Variants in EPHA6 observed in about 807,000 individuals in gnomAD.
EPHA6 encodes EPH receptor A6, also known as ephrin type-A receptor 6.
Under a neutral mutation model 112.0 loss-of-function variants are expected in EPHA6, and 50 were observed. The observed-to-expected ratio is 0.45, with a 90% CI of 0.36 to 0.56. The LOEUF (loss-of-function observed/expected upper bound fraction) is 0.56. Ranked by LOEUF, EPHA6 falls within the 20% of genes least tolerant of loss-of-function variation. EPHA6 has a pLI of 0.00. For synonymous variants in EPHA6, 529 were observed against 490.7 expected (o/e 1.08, Z -1.03); for missense variants, 1,280 against 1,417.4 (o/e 0.90, Z 1.56).
intron 3 of EPHA6, among the ~76,000 whole-genome samples, chr3:97,090,724 T>C (rs1193948454): frequency 6.6e-6 from 1 of 152,084 alleles, no homozygotes; most frequent in African/African-American, 2.4e-5. Context: ...ACCTCAATTT[T>C]AAACATTCTG....
In EPHA6 at chr3:97,171,461, A is replaced by G. The variant is rs2076698242; in HGVS notation, c.1115-54803A>G. 2.0e-5 allele frequency among the ~76,000 whole-genome samples: 3 copies of G among 152,116 alleles called. No individual in the cohort carries two copies. The South Asian group carries it at 6.2e-4, about 31-fold the overall frequency. On this transcript the variant is annotated intron_variant, in intron 3 of 17. Transcript: ENST00000389672. ...CCTATATTTATAGGAAGCAAGAAAT[A>G]ATGAACATAGAATTAATAGGAATGG... is the stretch of plus-strand genomic sequence containing the variant.
intron 6 of EPHA6, among the ~76,000 whole-genome samples, chr3:97,438,251 A>C (rs1010341216): frequency 6.6e-6 from 1 of 152,212 alleles, no homozygotes; most frequent in Non-Finnish European, 1.5e-5. Flanking sequence ...CTGAATAAAT[A>C]TCAAGAATAT....
chr3:97,075,394 G>T (rs1417381118), intron 3 of EPHA6, among the ~76,000 whole-genome samples: 1 of 151,928 alleles, frequency 6.6e-6, no homozygotes, highest in Non-Finnish European at 1.5e-5. Flanking sequence ...TTTTACTACT[G>T]AAATAATTTG....
intron 3 of EPHA6, among the ~76,000 whole-genome samples, chr3:97,060,141 AAAAC>A (rs1248270157): frequency 2.0e-5 from 3 of 152,102 alleles, no homozygotes; most frequent in Admixed American, 6.6e-5. Flanking sequence ...AAAACAAAAC[AAAAC>A]AAACAAAAAG....
chr3:96,875,859 T>G (rs2036912343), intron 2 of EPHA6, among the ~76,000 whole-genome samples: 1 of 151,536 alleles, frequency 6.6e-6, no homozygotes, highest in South Asian at 2.1e-4. Flanking sequence ...TTTATCTTTA[T>G]TTTTTTCATT....
chr3:97,547,459 G>A (rs1394495520), intron 11 of EPHA6, among the ~76,000 whole-genome samples: 1 of 152,142 alleles, frequency 6.6e-6, no homozygotes, highest in Non-Finnish European at 1.5e-5. Flanking sequence ...GCTGTGTGAG[G>A]TGTCAGTCCG....
intron 1 of EPHA6, among the ~76,000 whole-genome samples, chr3:96,825,331 A>C (rs1172233996): frequency 6.6e-6 from 1 of 151,820 alleles, no homozygotes; most frequent in Non-Finnish European, 1.5e-5. Context: ...GCTTTCTTTA[A>C]AATATAACAA....
At chr3:97,289,562 G>A (rs1345900283) in intron 5 of EPHA6, among the ~76,000 whole-genome samples, 1 of 152,044 alleles carries the variant, frequency 6.6e-6, no homozygotes, top group African/African-American at 2.4e-5. Context: ...GTCTATTTCA[G>A]TTCTTTTTGG....
intron 3 of EPHA6, among the ~76,000 whole-genome samples, chr3:97,052,477 C>A (rs2045715801): frequency 6.6e-6 from 1 of 152,174 alleles, no homozygotes; most frequent in South Asian, 2.1e-4. Context: ...GACTATGCTA[C>A]ATTTATTTTT....
chr3:97,422,738 A>T (rs2088776128), intron 6 of EPHA6, among the ~76,000 whole-genome samples: 1 of 152,212 alleles, frequency 6.6e-6, no homozygotes, highest in African/African-American at 2.4e-5. Context: ...TATATCCCTG[A>T]TGAACATAGA....
In EPHA6 at chr3:97,549,839, T is replaced by TAAATA. The variant is rs1553810015; in HGVS notation, c.2386+17310_2386+17314dup. 2.6e-5 allele frequency among the ~76,000 whole-genome samples: 4 copies of TAAATA among 151,670 alleles called. No individual in the cohort carries two copies. In the East Asian group the frequency reaches 5.8e-4, roughly 22 times the overall value. ...AATAATAAAATAAAATAAAATAAAATAAATAAAATAAAATAAAAGTCTGGA... is the reference window on the plus strand; with the variant it reads ...AATAATAAAATAAAATAAAATAAAATAAATAAAATAAAATAAAATAAAAGTCTGGA... On this transcript the variant is annotated intron_variant, in intron 11 of 17. Transcript: ENST00000389672.
chr3:96,825,037 G>A (rs1406686109), intron 1 of EPHA6, among the ~76,000 whole-genome samples: 4 of 151,674 alleles, frequency 2.6e-5, no homozygotes, highest in Non-Finnish European at 5.9e-5. Flanking sequence ...GTTATACATG[G>A]GAAATGAAAA....
At chr3:97,438,864 T>C (rs1490055319) in intron 6 of EPHA6, among the ~76,000 whole-genome samples, 1 of 152,184 alleles carries the variant, frequency 6.6e-6, no homozygotes, top group African/African-American at 2.4e-5. Flanking sequence ...AGGTATAACC[T>C]TTCCAGTTTT....
At chr3:97,733,318 T>G (rs937206089) in intron 15 of EPHA6, among the ~76,000 whole-genome samples, 2 of 152,076 alleles carry the variant, frequency 1.3e-5, no homozygotes, top group East Asian at 3.9e-4. Context: ...TCCAGTTTCA[T>G]CTGGCTCCTT....
intron 3 of EPHA6, among the ~76,000 whole-genome samples, chr3:97,052,781 A>G (rs10470430): frequency 0.17 from 26,527 of 151,974 alleles, 2,579 homozygotes; most frequent in Non-Finnish European, 0.22. Context: ...TCTACCAATA[A>G]CACTTGATAA....
At chr3:97,294,656 A>G (rs2108694418) in intron 5 of EPHA6, among the ~76,000 whole-genome samples, 1 of 152,274 alleles carries the variant, frequency 6.6e-6, no homozygotes, top group East Asian at 1.9e-4. Flanking sequence ...TAACAGTAAC[A>G]TTTGAGTCCC....
At chr3:97,246,262 G>GA (rs1414531267) in intron 5 of EPHA6, among the ~76,000 whole-genome samples, 1 of 151,678 alleles carries the variant, frequency 6.6e-6, no homozygotes, top group African/African-American at 2.4e-5. Context: ...TAGCTACAGG[G>GA]AAAAAAATTT....
In EPHA6 at chr3:97,078,309, G is replaced by T. The variant is rs144220656; in HGVS notation, c.1114+90316G>T. Among the ~76,000 whole-genome samples the T allele has an allele frequency of 9.8e-3, 1,486 of 151,970 alleles. 78 individuals are homozygous for T. Among genetic ancestry groups the T allele is most frequent in the Admixed American group, 0.084 (1,288 of 15,246 alleles). On this transcript the variant is annotated intron_variant, in intron 3 of 17. Coordinates refer to ENST00000389672, the MANE Select transcript of EPHA6 (RefSeq NM_001080448.3). ...CTGGATATTAGCCCTTTTTCAGATGGGTAGATTGCAAAAAATTTCTCCCAT... is the reference window on the plus strand; with the variant it reads ...CTGGATATTAGCCCTTTTTCAGATGTGTAGATTGCAAAAAATTTCTCCCAT...
At chr3:97,666,842 G>A (rs2030175337) in intron 14 of EPHA6, among the ~76,000 whole-genome samples, 1 of 152,130 alleles carries the variant, frequency 6.6e-6, no homozygotes, top group African/African-American at 2.4e-5. Flanking sequence ...TCTAAACACA[G>A]CCCTCTGGAG....
Sources: allele counts gnomAD v4.1 joint callset (sites outside exome capture counted in the v4.1 genomes callset), GRCh38; gene constraint gnomAD v4.1.1; transcripts MANE v1.5; gene names NCBI Gene and HGNC (gene_info 2026-07-23, HGNC 2026-07-21).